CDH2: variants seen among roughly 807,000 people sequenced by gnomAD.
The protein encoded by CDH2 is cadherin-2.
Under a neutral mutation model 92.0 loss-of-function variants are expected in CDH2, and 17 were observed. The observed-to-expected ratio is 0.18, with a 90% CI of 0.13 to 0.28. The LOEUF (loss-of-function observed/expected upper bound fraction) is 0.28. CDH2 is among the 10% of genes least tolerant of loss of function. The probability of loss-of-function intolerance (pLI) is 1.00; values close to 1 mark genes in which losing one functional copy is unlikely to be tolerated. For missense variants in CDH2, 862 were observed against 1,133.1 expected, an observed-to-expected ratio of 0.76 and a Z score of 3.44; for synonymous variants, 419 against 415.9, an observed-to-expected ratio of 1.01 and a Z score of -0.09.
intron 12 of CDH2, 112 bp from the exon 13 acceptor site, chr18:27,985,345 A>G (rs761224960): frequency 1.3e-6 from 1 of 780,928 alleles, no homozygotes; most frequent in Non-Finnish European, 2.1e-6. Flanking sequence ...AAAGCGGATT[A>G]CAACTATGCT....
intron 5 of CDH2, 104 bp from the exon 6 acceptor site, chr18:28,006,097 G>GA (rs917767476): frequency 2.2e-6 from 2 of 910,174 alleles, no homozygotes; most frequent in African/African-American, 1.7e-5. Context: ...ACTCACAGCT[G>GA]AAAAACAAAA....
At chr18:28,141,778 A>G (rs1027137846) in intron 2 of CDH2, among the ~76,000 whole-genome samples, 2 of 151,920 alleles carry the variant, frequency 1.3e-5, no homozygotes, top group African/African-American at 4.8e-5. Context: ...GCCCCACACA[A>G]AGTGGCCTAT....
intron 5 of CDH2, among the ~76,000 whole-genome samples, chr18:28,007,288 A>G (rs1158261561): frequency 6.6e-6 from 1 of 151,090 alleles, no homozygotes; most frequent in Non-Finnish European, 1.5e-5. Flanking sequence ...TTTTTAAACA[A>G]AAATATTCAT....
intron 15 of CDH2, among the ~76,000 whole-genome samples, chr18:27,953,509 G>A (rs1252743926): frequency 6.6e-6 from 1 of 152,120 alleles, no homozygotes; most frequent in African/African-American, 2.4e-5. Flanking sequence ...TATCTAAGAT[G>A]TGTCACAGAC....
At chr18:28,078,898 G>A (rs1309093256) in intron 2 of CDH2, among the ~76,000 whole-genome samples, 1 of 151,940 alleles carries the variant, frequency 6.6e-6, no homozygotes, top group Non-Finnish European at 1.5e-5. Context: ...ACTTAGAAAG[G>A]GATTTTTCCT....
chr18:27,983,231 C>T lies in CDH2; in HGVS notation c.2210-148G>A, dbSNP rs964499539. The T allele has an allele frequency of 5.2e-6, 3 of 582,022 alleles. No homozygotes were observed. The Admixed American group carries it at 1.0e-4, about 20-fold the overall frequency. 36.1% of individuals were successfully genotyped at this position (582,022 alleles called of 1,614,324 possible). On this transcript the variant is annotated intron_variant, in intron 13 of 15. Transcript: ENST00000269141. ...ACTCTACTATCTATTTCTGGCCTCA[C>T]ATTAAGAGAGACAAGACAAAGCAAG...
intron 1 of CDH2, among the ~76,000 whole-genome samples, chr18:28,156,338 C>T (rs1423488707): frequency 6.6e-6 from 1 of 152,170 alleles, no homozygotes; most frequent in African/African-American, 2.4e-5. Flanking sequence ...CCCCACAATA[C>T]AAGAGTTTGA....
intron 6 of CDH2, among the ~76,000 whole-genome samples, chr18:27,938,423 G>A (rs1476348202): frequency 6.6e-6 from 1 of 151,970 alleles, no homozygotes; most frequent in East Asian, 1.9e-4. Context: ...GACCATGTTT[G>A]TCCTCATACA....
chr18:28,013,014 A>C (rs1175228861), intron 3 of CDH2, among the ~76,000 whole-genome samples: 1 of 152,212 alleles, frequency 6.6e-6, no homozygotes, highest in Non-Finnish European at 1.5e-5. Flanking sequence ...CAAAAAACTA[A>C]AATATTCAGA....
At chr18:28,136,532 C>A (rs995555057) in intron 2 of CDH2, among the ~76,000 whole-genome samples, 10 of 151,974 alleles carry the variant, frequency 6.6e-5, no homozygotes, top group African/African-American at 2.4e-4. Flanking sequence ...CAAAAATGTA[C>A]TAATAATGTA....
At chr18:28,147,184 C>A (rs951615451) in intron 2 of CDH2, among the ~76,000 whole-genome samples, 7 of 152,014 alleles carry the variant, frequency 4.6e-5, no homozygotes, top group African/African-American at 1.7e-4. Flanking sequence ...ATATGAATTT[C>A]ATACTCTTGC....
intron 1 of CDH2, among the ~76,000 whole-genome samples, chr18:28,175,272 A>C (rs972129142): frequency 1.3e-5 from 2 of 152,342 alleles, no homozygotes; most frequent in Non-Finnish European, 2.9e-5. Flanking sequence ...AAAAATGTCT[A>C]GTCTAATAGT....
At chr18:28,136,653 C>G (rs1381459499) in intron 2 of CDH2, among the ~76,000 whole-genome samples, 1 of 152,006 alleles carries the variant, frequency 6.6e-6, no homozygotes, top group Non-Finnish European at 1.5e-5. Context: ...ATATAAAAGA[C>G]AAGAAAGAAG....
intron 6 of CDH2, among the ~76,000 whole-genome samples, chr18:27,938,160 C>T (rs986613453): frequency 1.3e-5 from 2 of 152,116 alleles, no homozygotes; most frequent in Middle Eastern, 3.4e-3. Context: ...GTGCTGGCTC[C>T]CCCTTCGCCT....
rs899189071 is a variant in CDH2 at position 28,008,013 on chromosome 18, C to T, written c.702+1704G>A. 3.9e-5 allele frequency among the ~76,000 whole-genome samples: 6 copies of T among 152,116 alleles called. No homozygotes were observed. In the East Asian group the frequency reaches 5.8e-4, roughly 15 times the overall value. On this transcript the variant is annotated intron_variant, in intron 5 of 15. Transcript: ENST00000269141. ...CCTCCCAAATTGCTAGGATTCCGGG[C>T]GTGAGCCACCACACCCGACTGGTAT...
intron 2 of CDH2, among the ~76,000 whole-genome samples, chr18:28,056,007 G>A (rs562375774): frequency 7.9e-5 from 12 of 152,058 alleles, no homozygotes; most frequent in African/African-American, 2.9e-4. Flanking sequence ...GGAAATAGTA[G>A]GGCAAATGAC....
chr18:27,972,120 C>T (rs1471027896), intron 14 of CDH2, among the ~76,000 whole-genome samples: 1 of 152,034 alleles, frequency 6.6e-6, no homozygotes, highest in Non-Finnish European at 1.5e-5. Flanking sequence ...GTCTAGGCAT[C>T]TTGCCTGGAC....
At chr18:28,079,544 A>C (rs2014787028) in intron 2 of CDH2, among the ~76,000 whole-genome samples, 1 of 152,216 alleles carries the variant, frequency 6.6e-6, no homozygotes, top group African/African-American at 2.4e-5. Flanking sequence ...CCACTGAATG[A>C]AATTTTTTTC....
chr18:28,029,777 C>A (rs1214818957), intron 2 of CDH2, among the ~76,000 whole-genome samples: 1 of 152,002 alleles, frequency 6.6e-6, no homozygotes, highest in African/African-American at 2.4e-5. Flanking sequence ...TAGGGTTCTG[C>A]CTAGGAGAAT....
Sources: allele counts gnomAD v4.1 joint callset (sites outside exome capture counted in the v4.1 genomes callset), GRCh38; gene constraint gnomAD v4.1.1; transcripts MANE v1.5; gene names NCBI Gene and HGNC (gene_info 2026-07-23, HGNC 2026-07-21).